Variants in SPRR2B observed in about 807,000 individuals in gnomAD.
The protein encoded by SPRR2B is small proline-rich protein 2B.
SPRR2B carries 1 observed loss-of-function variant against 1.0 expected under a neutral mutation model. The observed-to-expected ratio is 1.01, with a 90% CI of 0.36 to 4.77. SPRR2B has a LOEUF of 4.77. SPRR2B is among the 30% of genes most tolerant of loss of function. The pLI is 0.16. For synonymous variants in SPRR2B, 27 were observed against 33.4 expected, an observed-to-expected ratio of 0.81 and a Z score of 0.66; for missense variants, 53 against 88.7, an observed-to-expected ratio of 0.60 and a Z score of 1.62.
chr1:153,081,188 G>A, the SPRR2B span, among the ~76,000 whole-genome samples: 1 of 152,124 alleles, frequency 6.6e-6, no homozygotes, highest in African/African-American at 2.4e-5. Context: ...AGCAGCAAGA[G>A]GGAAGTGAAT....
At chr1:153,083,295 G>A in the SPRR2B span, among the ~76,000 whole-genome samples, 1 of 152,270 alleles carries the variant, frequency 6.6e-6, no homozygotes, top group South Asian at 2.1e-4. Flanking sequence ...AAAGAAAGCT[G>A]AAAATAGGGA....
chr1:153,071,720 T>C (rs1654671285), upstream of SPRR2B, among the ~76,000 whole-genome samples: 1 of 152,112 alleles, frequency 6.6e-6, no homozygotes, highest in Non-Finnish European at 1.5e-5. Context: ...AAATGCAAAT[T>C]TATCCATAAC....
At chr1:153,077,051 A>G in the SPRR2B span, among the ~76,000 whole-genome samples, 3 of 152,366 alleles carry the variant, frequency 2.0e-5, no homozygotes, top group Non-Finnish European at 2.9e-5. Flanking sequence ...GACACCCACC[A>G]TGACACACAT....
chr1:153,086,343 C>A, the SPRR2B span, among the ~76,000 whole-genome samples: 51 of 152,066 alleles, frequency 3.4e-4, no homozygotes, highest in Admixed American at 3.3e-3. Context: ...ATCCACCAAA[C>A]AAATGAAAAA....
chr1:153,076,820 T>G, the SPRR2B span, among the ~76,000 whole-genome samples: 1 of 152,222 alleles, frequency 6.6e-6, no homozygotes, highest in Non-Finnish European at 1.5e-5. Context: ...AATAATTAAA[T>G]GGATAAACTG....
chr1:153,072,744 T>C (rs1239457405), upstream of SPRR2B, among the ~76,000 whole-genome samples: 1 of 152,194 alleles, frequency 6.6e-6, no homozygotes, highest in Non-Finnish European at 1.5e-5. Context: ...AGATTATCAA[T>C]TCACATCCCA....
chr1:153,076,049 C>G (rs1295014414), upstream of SPRR2B, among the ~76,000 whole-genome samples: 1 of 151,972 alleles, frequency 6.6e-6, no homozygotes, highest in East Asian at 1.9e-4. Flanking sequence ...TATATGTATT[C>G]TATGTGAAAA....
Position 153,070,479 on chromosome 1 carries a change from T to C in SPRR2B, c.*142A>G. On this transcript the variant is annotated 3_prime_UTR_variant, in exon 2 of 2. Coordinates refer to ENST00000368755, the MANE Select transcript of SPRR2B (RefSeq NM_001388198.1). ...GGAAACCTTTTGCTATCAGGGAACATCATGGGCAGATCACAGGCTAAGGGG... is the reference window on the plus strand; with the variant it reads ...GGAAACCTTTTGCTATCAGGGAACACCATGGGCAGATCACAGGCTAAGGGG... 6.9e-7 allele frequency: 1 copy of C among 1,441,710 alleles called. No individual in the cohort carries two copies. Among genetic ancestry groups the C allele is most frequent in the Non-Finnish European group, 9.3e-7 (1 of 1,071,860 alleles). 89.3% of individuals were successfully genotyped at this position (1,441,710 alleles called of 1,614,324 possible). A position where few individuals can be genotyped will look rare whatever the true frequency, so the allele number is the denominator to read the frequency against.
At chr1:153,078,511 C>T in the SPRR2B span, among the ~76,000 whole-genome samples, 1 of 152,058 alleles carries the variant, frequency 6.6e-6, no homozygotes, top group Non-Finnish European at 1.5e-5. Context: ...TATCCCTCCC[C>T]TCTACCCCCA....
upstream of SPRR2B, among the ~76,000 whole-genome samples, chr1:153,074,619 G>A (rs1654738006): frequency 6.6e-6 from 1 of 152,156 alleles, no homozygotes; most frequent in African/African-American, 2.4e-5. Flanking sequence ...TATAAAGCAT[G>A]ACATGATTCT....
chr1:153,070,464 T>C lies in SPRR2B; in HGVS notation c.*157A>G. On this transcript the variant is annotated 3_prime_UTR_variant, in exon 2 of 2. Transcript: ENST00000368755. ...TGGCAGCCTTAGAAAGGAAACCTTT[T>C]GCTATCAGGGAACATCATGGGCAGA... 7.3e-7 allele frequency: 1 copy of C among 1,369,144 alleles called. No homozygotes were observed. Among genetic ancestry groups the C allele is most frequent in the East Asian group, 2.4e-5 (1 of 41,320 alleles). 84.8% of individuals were successfully genotyped at this position (1,369,144 alleles called of 1,614,324 possible).
chr1:153,080,799 T>C, the SPRR2B span, among the ~76,000 whole-genome samples: 1 of 152,228 alleles, frequency 6.6e-6, no homozygotes, highest in Non-Finnish European at 1.5e-5. Flanking sequence ...ATTGATCTAG[T>C]ACATTTTAAA....
chr1:153,075,111 C>G (rs1458869826), upstream of SPRR2B, among the ~76,000 whole-genome samples: 4 of 152,174 alleles, frequency 2.6e-5, no homozygotes, highest in East Asian at 7.7e-4. Context: ...TTCGGGAGAC[C>G]AACGTGGGTT....
At chr1:153,082,756 G>GA in the SPRR2B span, among the ~76,000 whole-genome samples, 4,919 of 146,028 alleles carry the variant, frequency 0.034, 235 homozygotes, top group African/African-American at 0.11. Flanking sequence ...CATTTTTAAT[G>GA]AAAAAAAAAA....
upstream of SPRR2B, among the ~76,000 whole-genome samples, chr1:153,072,395 T>C (rs1402833085): frequency 1.3e-5 from 2 of 152,158 alleles, no homozygotes. Context: ...ATTAAGGAAA[T>C]GGAGAGAAGG....
At chr1:153,084,465 AC>A in the SPRR2B span, among the ~76,000 whole-genome samples, 1 of 152,228 alleles carries the variant, frequency 6.6e-6, no homozygotes, top group South Asian at 2.1e-4. Flanking sequence ...TGCACCCCAA[AC>A]AAAAACCCCA....
upstream of SPRR2B, among the ~76,000 whole-genome samples, chr1:153,076,156 C>T (rs1265852961): frequency 6.6e-6 from 1 of 152,138 alleles, no homozygotes; most frequent in Non-Finnish European, 1.5e-5. Flanking sequence ...AAAGATTGCT[C>T]ATTTAAATAT....
At chr1:153,075,049 T>C (rs191550833), upstream of SPRR2B, among the ~76,000 whole-genome samples, 373 of 152,240 alleles carry the variant, frequency 2.5e-3, 1 homozygote, top group Non-Finnish European at 3.9e-3. Flanking sequence ...TATGTATCTA[T>C]AAAATAATTC....
At chr1:153,075,301 C>T (rs1654751439), upstream of SPRR2B, among the ~76,000 whole-genome samples, 1 of 151,984 alleles carries the variant, frequency 6.6e-6, no homozygotes, top group Non-Finnish European at 1.5e-5. Flanking sequence ...GGCGTCACAC[C>T]TCTGCACTCC....
Sources: gnomAD v4.1 joint callset for allele counts (sites outside exome capture counted in the v4.1 genomes callset) on GRCh38, gnomAD v4.1.1 for gene constraint, MANE v1.5 for transcripts, NCBI Gene and HGNC (gene_info 2026-07-23, HGNC 2026-07-21) for gene names.